TBX4: variants seen among roughly 807,000 people sequenced by gnomAD.
TBX4 encodes the protein T-box transcription factor 4.
A neutral mutation model predicts 54.6 loss-of-function variants in TBX4; 13 were observed. The observed-to-expected ratio is 0.24, with a 90% CI of 0.15 to 0.38. The LOEUF is 0.38. Ranked by LOEUF, TBX4 falls within the 10% of genes least tolerant of loss-of-function variation. The probability of loss-of-function intolerance (pLI) is 1.00; values close to 1 mark genes in which losing one functional copy is unlikely to be tolerated. For synonymous variants in TBX4, 314 were observed against 306.7 expected, an observed-to-expected ratio of 1.02 and a Z score of -0.25; for missense variants, 631 against 728.5, an observed-to-expected ratio of 0.87 and a Z score of 1.54.
At position 61,476,375 on chromosome 17, in the gene TBX4, G is replaced by A. The variant is rs1402643583; in HGVS notation, c.550-2252G>A. Among the ~76,000 whole-genome samples the A allele has an allele frequency of 2.0e-5, 3 of 152,228 alleles. No individual in the cohort carries two copies. Among genetic ancestry groups the A allele is most frequent in the Non-Finnish European group, 2.9e-5 (2 of 68,032 alleles). ...CAGCAGAGGGACCTGCATGTGCAAA[G>A]GTGCACAGGTAGGAACTGGGCATTC... On this transcript the variant is annotated intron_variant, in intron 5 of 8. Transcript: ENST00000644296. This position sits in a 1 kb window ranked among gnomAD's most constrained non-coding sequence, Gnocchi z 6.5.
intron 5 of TBX4, among the ~76,000 whole-genome samples, chr17:61,471,628 A>G (rs1355025448): frequency 6.6e-6 from 1 of 151,590 alleles, no homozygotes; most frequent in Non-Finnish European, 1.5e-5. Flanking sequence ...CTATAGAAAC[A>G]TTTTTTGCAT....
In TBX4 at chr17:61,456,448, T is replaced by C. The variant is rs1040213179; in HGVS notation, c.-3-40T>C. ...AGGGCCAGGGGTCCTCTGGCGAGTG[T>C]GGACCTGGGCGAGTGACTCGTTGTG... On this transcript the variant is annotated intron_variant, in intron 1 of 8. Transcript: ENST00000644296. 13 of 1,547,786 alleles carry C rather than the reference T, an allele frequency of 8.4e-6. No individual in the cohort carries two copies. In the African/African-American group the frequency reaches 1.8e-4, roughly 21 times the overall value.
intron 5 of TBX4, among the ~76,000 whole-genome samples, chr17:61,469,540 T>C (rs185310542): frequency 1.3e-5 from 2 of 152,318 alleles, no homozygotes. Context: ...TACCCAGTAC[T>C]TGCAGTTTAT....
rs146861162 is a variant in TBX4 at position 61,464,566 on chromosome 17, C to T, written c.282-1253C>T. 1.3e-5 allele frequency among the ~76,000 whole-genome samples: 2 copies of T among 152,336 alleles called. No homozygotes were observed. Among genetic ancestry groups the T allele is most frequent in the Non-Finnish European group, 2.9e-5 (2 of 68,034 alleles). ...AGAGTGGACCAGCCGGGCAGTGGCA[C>T]AGCTCAGTGGGGCTTAGTGTCTTCA... On this transcript the variant is annotated intron_variant, in intron 3 of 8. Coordinates refer to ENST00000644296, the MANE Select transcript of TBX4 (RefSeq NM_001321120.2). This position sits in a 1 kb window ranked among gnomAD's most constrained non-coding sequence, Gnocchi z 5.8.
chr17:61,471,140 C>T (rs1406920744), intron 5 of TBX4, among the ~76,000 whole-genome samples: 10 of 152,210 alleles, frequency 6.6e-5, no homozygotes, highest in African/African-American at 1.4e-4. Context: ...CCTTAATATG[C>T]GACTTCCTTC....
intron 5 of TBX4, among the ~76,000 whole-genome samples, chr17:61,473,347 C>A (rs1006963688): frequency 2.0e-5 from 3 of 152,222 alleles, no homozygotes; most frequent in African/African-American, 4.8e-5. Context: ...GGTTTCCAAT[C>A]ACTGTGACAT....
At chr17:61,455,846 C>T (rs2060444090) in intron 1 of TBX4, among the ~76,000 whole-genome samples, 1 of 152,162 alleles carries the variant, frequency 6.6e-6, no homozygotes, top group South Asian at 2.1e-4. Context: ...GTGAGGATGT[C>T]TGTGCCAGAA....
rs533664567 is a variant in TBX4 at position 61,461,061 on chromosome 17, C to T, written c.281+3430C>T. ...TGATAAGAGAAGTAAGGGTTGAAGA[C>T]ACTGGGAAAGTGGGTTGGGGAGAGA... On this transcript the variant is annotated intron_variant, in intron 3 of 8. Coordinates refer to ENST00000644296, the MANE Select transcript of TBX4 (RefSeq NM_001321120.2). The surrounding 1 kb of genome is among the most constrained non-coding windows in gnomAD (Gnocchi z 5.1). Among the ~76,000 whole-genome samples, 19 of 152,308 alleles carry T rather than the reference C, an allele frequency of 1.2e-4. 1 individual carries two copies. The highest frequency in any genetic ancestry group is 4.6e-4 in the African/African-American group (19 of 41,562).
intron 5 of TBX4, among the ~76,000 whole-genome samples, chr17:61,469,407 A>G (rs562591635): frequency 1.7e-3 from 255 of 152,324 alleles, no homozygotes; most frequent in Middle Eastern, 3.4e-3. Context: ...CCCTGGCTGC[A>G]TCTGCCGTGC....
chr17:61,475,521 A>G lies in TBX4; in HGVS notation c.550-3106A>G, dbSNP rs61440048. Among the ~76,000 whole-genome samples the G allele has an allele frequency of 0.054, 8,217 of 152,194 alleles. 709 individuals are homozygous for G. The highest frequency in any genetic ancestry group is 0.19 in the African/African-American group (7,742 of 41,490). On this transcript the variant is annotated intron_variant, in intron 5 of 8. Transcript: ENST00000644296. This position sits in a 1 kb window ranked among gnomAD's most constrained non-coding sequence, Gnocchi z 5.0. ...GGCTGTCCTAGCAGCCCAGCCAAAGATGGTGGGGCCTGAAGCAGGGGTGTG... is the reference window on the plus strand; with the variant it reads ...GGCTGTCCTAGCAGCCCAGCCAAAGGTGGTGGGGCCTGAAGCAGGGGTGTG...
intron 1 of TBX4, among the ~76,000 whole-genome samples, chr17:61,456,153 C>T (rs944631790): frequency 1.3e-5 from 2 of 152,308 alleles, no homozygotes; most frequent in Non-Finnish European, 2.9e-5. Context: ...CAGGCTCCAC[C>T]GGAGCTCAGT....
chr17:61,484,964 A>G lies in TBX4; in HGVS notation c.*1448A>G, dbSNP rs1389222685. On this transcript the variant is annotated 3_prime_UTR_variant, in exon 9 of 9. Coordinates refer to ENST00000644296, the MANE Select transcript of TBX4 (RefSeq NM_001321120.2). The surrounding 1 kb of genome is among the most constrained non-coding windows in gnomAD (Gnocchi z 4.1). ...TAAATAAATATATATATATATATAT[A>G]TATATATAAACACACACACACTACA... 3.4e-5 allele frequency: 5 copies of G among 147,808 alleles called. No homozygotes were observed. In the East Asian group the frequency reaches 9.8e-4, roughly 29 times the overall value. The allele number at this position is 147,808 out of a possible 1,614,324, so 9.2% of individuals were successfully genotyped here.
Position 61,465,970 on chromosome 17 carries a change from C to T in TBX4, c.401+32C>T. 1.2e-6 allele frequency: 2 copies of T among 1,612,542 alleles called. No homozygotes were observed. Among genetic ancestry groups the T allele is most frequent in the Non-Finnish European group, 1.7e-6 (2 of 1,179,004 alleles). ...GGACCCTGACCGCATCACCCACGTT[C>T]CCTCAACTGCCCACTTGCCACGCCC... On this transcript the variant is annotated intron_variant, in intron 4 of 8. Coordinates refer to ENST00000644296, the MANE Select transcript of TBX4 (RefSeq NM_001321120.2). The surrounding 1 kb of genome is among the most constrained non-coding windows in gnomAD (Gnocchi z 4.9).
Position 61,461,022 on chromosome 17 carries a change from C to T in TBX4, c.281+3391C>T, listed in dbSNP as rs1378435903. On this transcript the variant is annotated intron_variant, in intron 3 of 8. Transcript: ENST00000644296. This position sits in a 1 kb window ranked among gnomAD's most constrained non-coding sequence, Gnocchi z 5.1. ...TCACTCTGTATACAGAGCGTCAGAG[C>T]CCAGTGGCGTGGATGATAAGAGAAG... Among the ~76,000 whole-genome samples the T allele has an allele frequency of 6.6e-6, 1 of 152,184 alleles. No homozygotes were observed. Among genetic ancestry groups the T allele is most frequent in the Non-Finnish European group, 1.5e-5 (1 of 68,042 alleles).
chr17:61,467,497 G>C lies in TBX4; in HGVS notation c.402-13G>C. On this transcript the variant is annotated splice_polypyrimidine_tract_variant and intron_variant, in intron 4 of 8. Coordinates refer to ENST00000644296, the MANE Select transcript of TBX4 (RefSeq NM_001321120.2). ...CTGGAGTAATCACCTGCTCTTATCT[G>C]CTCTGTTGGCAGGATGGTGGCAGGG... is the stretch of plus-strand genomic sequence containing the variant. The C allele has an allele frequency of 6.2e-7, 1 of 1,614,234 alleles. No individual in the cohort carries two copies. Among genetic ancestry groups the C allele is most frequent in the Non-Finnish European group, 8.5e-7 (1 of 1,180,046 alleles).
intron 1 of TBX4, among the ~76,000 whole-genome samples, chr17:61,453,792 A>G (rs959585283): frequency 2.0e-5 from 3 of 152,236 alleles, no homozygotes; most frequent in African/African-American, 7.2e-5. Context: ...AAGCCTAACA[A>G]AACAAATTGT....
intron 2 of TBX4, 114 bp downstream of exon 2, chr17:61,456,790 T>C: frequency 1.2e-6 from 1 of 821,660 alleles, no homozygotes; most frequent in South Asian, 4.1e-5. Context: ...AGGACCTGGC[T>C]GCATTCAGGA....
Position 61,457,495 on chromosome 17 carries a change from C to T in TBX4, c.187-42C>T, listed in dbSNP as rs200377582. Reference sequence around the variant, plus strand: ...CTTTCCTCAGGCTCCGCGTGGAGCCCTGGGCCTGGCAGACACAAGTTTCTC... The same window carrying T: ...CTTTCCTCAGGCTCCGCGTGGAGCCTTGGGCCTGGCAGACACAAGTTTCTC... On this transcript the variant is annotated intron_variant, in intron 2 of 8. Transcript: ENST00000644296. This position sits in a 1 kb window ranked among gnomAD's most constrained non-coding sequence, Gnocchi z 8.2. 6.3e-7 allele frequency: 1 copy of T among 1,590,756 alleles called. No individual in the cohort carries two copies. The highest frequency in any genetic ancestry group is 1.7e-4 in the Middle Eastern group (1 of 6,032).
At position 61,465,163 on chromosome 17, in the gene TBX4, CCT is replaced by C. The variant is rs1235382212; in HGVS notation, c.282-655_282-654del. ...CATGAGGCTCCTGGACCGACTTTCC[CCT>C]GATACTCAGGGTGCACAGGTCCAGG... is the stretch of plus-strand genomic sequence containing the variant. On this transcript the variant is annotated intron_variant, in intron 3 of 8. Coordinates refer to ENST00000644296, the MANE Select transcript of TBX4 (RefSeq NM_001321120.2). The surrounding 1 kb of genome is among the most constrained non-coding windows in gnomAD (Gnocchi z 4.9). Among the ~76,000 whole-genome samples, 2 of 152,116 alleles carry C rather than the reference CCT, an allele frequency of 1.3e-5. No homozygotes were observed. Among genetic ancestry groups the C allele is most frequent in the African/African-American group, 2.4e-5 (1 of 41,406 alleles).
Sources: allele counts gnomAD v4.1 joint callset (sites outside exome capture counted in the v4.1 genomes callset), GRCh38; gene constraint gnomAD v4.1.1; non-coding constraint Gnocchi (gnomAD v3.1); transcripts MANE v1.5; gene names NCBI Gene and HGNC (gene_info 2026-07-23, HGNC 2026-07-21).